Variants in ADSS1 observed in about 807,000 individuals in gnomAD.
The protein encoded by ADSS1 is adenylosuccinate synthetase isozyme 1.
Under a neutral mutation model 59.1 loss-of-function variants are expected in ADSS1, and 57 were observed. The ratio of observed to expected loss-of-function variants is 0.97; its 90% confidence interval spans 0.78 to 1.20. The LOEUF (loss-of-function observed/expected upper bound fraction) is 1.20. Ranked by LOEUF, ADSS1 falls within the 50% of genes most tolerant of loss-of-function variation. The pLI is 0.00. For missense variants in ADSS1, 603 were observed against 610.3 expected (o/e 0.99, Z 0.13); for synonymous variants, 247 against 249.4 (o/e 0.99, Z 0.09).
At chr14:104,743,800 G>A (rs1477184619) in intron 10 of ADSS1, among the ~76,000 whole-genome samples, 1 of 152,244 alleles carries the variant, frequency 6.6e-6, no homozygotes, top group African/African-American at 2.4e-5. Flanking sequence ...ATCCGGCAAC[G>A]GGAAGCAGAG....
In ADSS1 at chr14:104,729,938, G is replaced by A; in HGVS notation, c.193-5082G>A. 3 of 1,566,710 alleles carry A rather than the reference G, an allele frequency of 1.9e-6. No homozygotes were observed. The South Asian group carries it at 3.5e-5, about 18-fold the overall frequency. ...GGTGGCAACCCAGAGGCAAGGAGGT[G>A]GGCAGAGGCCCACGAACCTGGCCCT... On this transcript the variant is annotated intron_variant, in intron 1 of 12. Transcript: ENST00000330877.
In ADSS1 at chr14:104,741,989, C is replaced by T. The variant is rs898423323; in HGVS notation, c.935C>T (p.Thr312Ile). The change falls in exon 9 of 13, where the codon ACC (threonine) becomes ATC (isoleucine). Residue 312 changes from threonine to isoleucine, a missense_variant. Physicochemically the swap from Thr to Ile is moderately conservative, Grantham distance 89. Transcript: ENST00000330877. ...CGTGTGGGCATCGGGGCCTTCCCCACCGAGCAGATCAACGTGAGTCCCCAG... is the reference window on the plus strand; with the variant it reads ...CGTGTGGGCATCGGGGCCTTCCCCATCGAGCAGATCAACGTGAGTCCCCAG... ...TTRVGIGAFP[T>I]EQINEIGGLL... The T allele has an allele frequency of 1.9e-6, 3 of 1,612,966 alleles. No individual in the cohort carries two copies. The highest frequency in any genetic ancestry group is 2.2e-5 in the South Asian group (2 of 91,088).
chr14:104,732,373 G>A (rs1890962643), intron 1 of ADSS1, among the ~76,000 whole-genome samples: 1 of 152,192 alleles, frequency 6.6e-6, no homozygotes, highest in South Asian at 2.1e-4. Context: ...GCAGCCTGAC[G>A]TCCTGAGACC....
At chr14:104,734,071 G>A (rs1267759044) in intron 1 of ADSS1, among the ~76,000 whole-genome samples, 1 of 152,246 alleles carries the variant, frequency 6.6e-6, no homozygotes, top group Non-Finnish European at 1.5e-5. Context: ...GTGGGGGCCT[G>A]GCTTCAGGGG....
intron 2 of ADSS1, among the ~76,000 whole-genome samples, 165 bp downstream of exon 2, chr14:104,735,287 C>T (rs1019288115): frequency 7.9e-5 from 12 of 152,208 alleles, no homozygotes; most frequent in African/African-American, 2.9e-4. Context: ...TGCACAGAAA[C>T]CTGCATAGCC....
In ADSS1 at chr14:104,741,015, C is replaced by T. The variant is rs4591064; in HGVS notation, c.666+95C>T. 1.7e-3 allele frequency: 2,647 copies of T among 1,603,876 alleles called. 52 individuals carry two copies. The African/African-American group carries it at 0.032, about 19-fold the overall frequency. The stretch of plus-strand genomic sequence containing the variant: ...GCTCGTTGAACACCCTTGGGGCACA[C>T]CTGATACTAGGCATTGTTATGGGCT... On this transcript the variant is annotated intron_variant, in intron 7 of 12. Transcript: ENST00000330877.
chr14:104,735,990 TG>T (rs1891105890), intron 2 of ADSS1, among the ~76,000 whole-genome samples: 1 of 152,110 alleles, frequency 6.6e-6, no homozygotes, highest in Admixed American at 6.5e-5. Flanking sequence ...CGTCAGGAAG[TG>T]GGGGTCAGGC....
intron 2 of ADSS1, among the ~76,000 whole-genome samples, chr14:104,736,260 C>T (rs1891118602): frequency 6.6e-6 from 1 of 152,220 alleles, no homozygotes; most frequent in South Asian, 2.1e-4. Context: ...CGCCATGTCG[C>T]AGGAGCCCCT....
At chr14:104,730,297 C>A in intron 1 of ADSS1, 1 of 1,347,830 alleles carries the variant, frequency 7.4e-7, no homozygotes, top group Non-Finnish European at 9.8e-7. Context: ...AGTTCAAGAC[C>A]AGCCTGGCCA....
At chr14:104,739,063 C>T (rs1891230684) in intron 3 of ADSS1, among the ~76,000 whole-genome samples, 1 of 152,188 alleles carries the variant, frequency 6.6e-6, no homozygotes, top group Non-Finnish European at 1.5e-5. Context: ...CTCTGGCTTC[C>T]CAGCCTGGAG....
intron 11 of ADSS1, 122 bp from the exon 12 acceptor site, chr14:104,746,114 T>G (rs1891545623): frequency 1.5e-6 from 2 of 1,346,548 alleles, no homozygotes; most frequent in African/African-American, 1.5e-5. Context: ...CTTGCTGCCT[T>G]CCTTGCAGCT....
At position 104,744,824 on chromosome 14, in the gene ADSS1, G is replaced by A. The variant is rs760343931; in HGVS notation, c.1086G>A (p.Thr362=). The A allele has an allele frequency of 4.2e-5, 68 of 1,614,066 alleles. 1 individual carries two copies. Among genetic ancestry groups the A allele is most frequent in the South Asian group, 5.5e-5 (5 of 91,090 alleles). The change falls in exon 11 of 13, where the codon ACG becomes ACA. Residue 362 remains threonine, a synonymous_variant. Transcript: ENST00000330877. ...MVNGFTALAL[T]KLDILDVLGE... ...TGGCTTTCCACAGGCTGGCCCTGAC[G>A]AAGCTGGACATCCTGGACGTACTGG...
At chr14:104,744,698 G>C in intron 10 of ADSS1, 114 bp from the exon 11 acceptor site, 1 of 953,552 alleles carries the variant, frequency 1.0e-6, no homozygotes, top group Non-Finnish European at 1.6e-6. Flanking sequence ...CCACAGCCCA[G>C]GGACTGGGGA....
chr14:104,729,565 G>T (rs1322675290), intron 1 of ADSS1, among the ~76,000 whole-genome samples: 6 of 124,336 alleles, frequency 4.8e-5, no homozygotes, highest in African/African-American at 6.1e-5. Context: ...GGCGTGGTGG[G>T]GAGGAGCGTG....
chr14:104,740,939 T>G lies in ADSS1; in HGVS notation c.666+19T>G. ...GCTCAAGGTGAAGTCGGGGCCGCAGTGTGGGGGCTGCGGAAGTGCTCCTCC... is the reference window on the plus strand; with the variant it reads ...GCTCAAGGTGAAGTCGGGGCCGCAGGGTGGGGGCTGCGGAAGTGCTCCTCC... On this transcript the variant is annotated intron_variant, in intron 7 of 12. Transcript: ENST00000330877. This position sits in a 1 kb window ranked among gnomAD's most constrained non-coding sequence, Gnocchi z 4.8. The G allele has an allele frequency of 6.2e-7, 1 of 1,613,606 alleles. No individual in the cohort carries two copies. Among genetic ancestry groups the G allele is most frequent in the Non-Finnish European group, 8.5e-7 (1 of 1,179,838 alleles).
At chr14:104,731,580 A>C (rs190100930) in intron 1 of ADSS1, among the ~76,000 whole-genome samples, 1 of 152,332 alleles carries the variant, frequency 6.6e-6, no homozygotes, top group African/African-American at 2.4e-5. Flanking sequence ...CCCAGAGCTC[A>C]GGTGCCTCAG....
In ADSS1 at chr14:104,745,122, G is replaced by A. The variant is rs1891508485; in HGVS notation, c.1171+213G>A. The A allele has an allele frequency of 5.7e-6, 3 of 527,806 alleles. No individual in the cohort carries two copies. The East Asian group carries it at 1.0e-4, about 18-fold the overall frequency. The allele number at this position is 527,806 out of a possible 1,614,324, so 32.7% of individuals were successfully genotyped here. ...CAGGAGGCCTGGCTGGGCAGGGGTG[G>A]CTGTAGGCCCCTTCCAGTGTTTTGG... On this transcript the variant is annotated intron_variant, in intron 11 of 12. Coordinates refer to ENST00000330877, the MANE Select transcript of ADSS1 (RefSeq NM_152328.5).
At chr14:104,732,429 C>T (rs1890964781) in intron 1 of ADSS1, among the ~76,000 whole-genome samples, 1 of 152,224 alleles carries the variant, frequency 6.6e-6, no homozygotes, top group African/African-American at 2.4e-5. Context: ...CTGGGGCCAT[C>T]GTCCTGGGCT....
intron 1 of ADSS1, among the ~76,000 whole-genome samples, chr14:104,727,909 G>T (rs750164306): frequency 1.4e-4 from 21 of 152,354 alleles, no homozygotes; most frequent in Middle Eastern, 6.8e-3. Flanking sequence ...GGCTGTTTAT[G>T]TCTGGCCATG....
Sources: gnomAD v4.1 joint callset for allele counts (sites outside exome capture counted in the v4.1 genomes callset) on GRCh38, gnomAD v4.1.1 for gene constraint, Gnocchi (gnomAD v3.1) non-coding constraint, MANE v1.5 for transcripts, NCBI Gene and HGNC (gene_info 2026-07-23, HGNC 2026-07-21) for gene names.